The following PAM variants were observed in gnomAD, a reference collection of about 807,000 sequenced individuals.
PAM encodes peptidyl-glycine alpha-amidating monooxygenase.
PAM carries 72 observed loss-of-function variants against 122.1 expected under a neutral mutation model. The observed-to-expected ratio is 0.59, with a 90% CI of 0.49 to 0.72. PAM has a LOEUF of 0.72. Ranked by LOEUF, PAM falls within the 30% of genes least tolerant of loss-of-function variation. PAM has a pLI of 0.00. For missense variants in PAM, 1,106 were observed against 1,183.7 expected, an observed-to-expected ratio of 0.93 and a Z score of 0.96; for synonymous variants, 389 against 404.4, an observed-to-expected ratio of 0.96 and a Z score of 0.46.
In PAM at chr5:102,760,378, T is replaced by C. The variant is rs78853249; in HGVS notation, c.-374+5030T>C. 6.9e-3 allele frequency among the ~76,000 whole-genome samples: 1,049 copies of C among 152,302 alleles called. 9 individuals are homozygous for C. Among genetic ancestry groups the C allele is most frequent in the Non-Finnish European group, 0.013 (881 of 68,018 alleles). On this transcript the variant is annotated intron_variant, in intron 1 of 25. Coordinates refer to ENST00000438793, the MANE Select transcript of PAM (RefSeq NM_001177306.2). ...TCTCACCCTAGAATTTTCTGTCTTC[T>C]TCCAGCATCCCCATGAAACTGTGGC...
intron 25 of PAM, 108 bp downstream of exon 25, chr5:103,028,346 ACCT>A: frequency 1.3e-6 from 1 of 781,136 alleles, no homozygotes; most frequent in Non-Finnish European, 2.2e-6. Flanking sequence ...AAGATAAAGC[ACCT>A]TGTATGCAGC....
intron 3 of PAM, chr5:102,873,760 C>A (rs1226506663): frequency 6.6e-6 from 1 of 152,184 alleles, no homozygotes. Context: ...AAAGTCGCTC[C>A]AGTGGCCAGC....
Position 102,974,493 on chromosome 5 carries a change from CA to C in PAM, c.1483+61del, listed in dbSNP as rs370933832. 10 of 1,130,554 alleles carry C rather than the reference CA, an allele frequency of 8.8e-6. No homozygotes were observed. The African/African-American group carries it at 1.4e-4, about 16-fold the overall frequency. 70.0% of individuals were successfully genotyped at this position (1,130,554 alleles called of 1,614,324 possible). A position where few individuals can be genotyped will look rare whatever the true frequency, so the allele number is the denominator to read the frequency against. On this transcript the variant is annotated intron_variant, in intron 15 of 25. Coordinates refer to ENST00000438793, the MANE Select transcript of PAM (RefSeq NM_001177306.2). Reference sequence around the variant, plus strand: ...TGTGAAATGCTACAATCCACGTTAGCAAAACCTGAAGGGAATAAGAATTAAT... The same window carrying C: ...TGTGAAATGCTACAATCCACGTTAGCAAACCTGAAGGGAATAAGAATTAAT...
At chr5:102,764,016 T>C (rs1427555762) in intron 1 of PAM, among the ~76,000 whole-genome samples, 2 of 152,116 alleles carry the variant, frequency 1.3e-5, no homozygotes, top group African/African-American at 4.8e-5. Flanking sequence ...TGTGTACCAG[T>C]CTGGTGGTGG....
intron 1 of PAM, among the ~76,000 whole-genome samples, chr5:102,842,570 A>T (rs1778922219): frequency 6.6e-6 from 1 of 152,182 alleles, no homozygotes; most frequent in South Asian, 2.1e-4. Flanking sequence ...TTTCTTTTGT[A>T]AATTGCCCAG....
chr5:102,969,115 C>T (rs1325160910), intron 14 of PAM, among the ~76,000 whole-genome samples: 1 of 151,966 alleles, frequency 6.6e-6, no homozygotes, highest in Non-Finnish European at 1.5e-5. Flanking sequence ...GGAGGGATAG[C>T]ATTAGGAGGA....
rs372036993 is a variant in PAM at position 103,025,346 on chromosome 5, G to T, written c.2689+12G>T. ...AAGGGCCTTTGGAGGCAAGTAAAAT[G>T]AGCCCCGTGAACTTGGAACCTGCCT... On this transcript the variant is annotated intron_variant, in intron 24 of 25. Coordinates refer to ENST00000438793, the MANE Select transcript of PAM (RefSeq NM_001177306.2). 4.7e-5 allele frequency: 75 copies of T among 1,607,560 alleles called. No individual in the cohort carries two copies. Among genetic ancestry groups the T allele is most frequent in the South Asian group, 5.5e-5 (5 of 90,920 alleles).
At chr5:102,772,542 T>C (rs1398872345) in intron 1 of PAM, among the ~76,000 whole-genome samples, 1 of 152,116 alleles carries the variant, frequency 6.6e-6, no homozygotes, top group African/African-American at 2.4e-5. Flanking sequence ...TGCACATGGT[T>C]CTCAAATAAG....
chr5:102,909,055 A>G (rs1003821423), intron 4 of PAM, among the ~76,000 whole-genome samples: 3 of 151,786 alleles, frequency 2.0e-5, no homozygotes, highest in Non-Finnish European at 4.4e-5. Flanking sequence ...GGAAATAAAG[A>G]AATGTTGATA....
intron 22 of PAM, among the ~76,000 whole-genome samples, chr5:103,019,510 C>T (rs951460352): frequency 6.6e-6 from 1 of 152,068 alleles, no homozygotes; most frequent in Non-Finnish European, 1.5e-5. Context: ...GGCAGATCTG[C>T]TTGGTCTTTC....
intron 1 of PAM, among the ~76,000 whole-genome samples, chr5:102,792,899 G>A (rs1457586029): frequency 6.6e-6 from 1 of 152,140 alleles, no homozygotes; most frequent in African/African-American, 2.4e-5. Context: ...AAAAGTATTA[G>A]GTCATACAGT....
At chr5:102,876,101 C>G (rs77580105) in intron 3 of PAM, among the ~76,000 whole-genome samples, 1 of 152,042 alleles carries the variant, frequency 6.6e-6, no homozygotes, top group East Asian at 1.9e-4. Flanking sequence ...TGGCAATTCC[C>G]GTGGTATAAT....
intron 1 of PAM, among the ~76,000 whole-genome samples, chr5:102,793,579 T>G (rs6596525): frequency 0.043 from 6,563 of 152,178 alleles, 485 homozygotes; most frequent in African/African-American, 0.15. Flanking sequence ...GTTTGAAATT[T>G]TGGAACTATT....
intron 1 of PAM, among the ~76,000 whole-genome samples, chr5:102,806,469 G>A (rs1766256014): frequency 6.6e-6 from 1 of 152,196 alleles, no homozygotes. Context: ...ACTGCTAGAA[G>A]CAACACTTCT....
chr5:102,861,361 A>G (rs946398685), intron 1 of PAM, among the ~76,000 whole-genome samples: 1 of 152,228 alleles, frequency 6.6e-6, no homozygotes, highest in African/African-American at 2.4e-5. Flanking sequence ...AGAACACACC[A>G]TCATTTCTGT....
At chr5:102,836,898 G>GAGAGAGAGAGAGAGAGAGAT (rs1561584528) in intron 1 of PAM, among the ~76,000 whole-genome samples, 1 of 147,160 alleles carries the variant, frequency 6.8e-6, no homozygotes, top group African/African-American at 2.5e-5. Flanking sequence ...GAGAGAGAGA[G>GAGAGAGAGAGAGAGAGAGAT]GTGCAAAATT....
At chr5:102,767,438 A>G (rs966538758) in intron 1 of PAM, among the ~76,000 whole-genome samples, 1 of 152,102 alleles carries the variant, frequency 6.6e-6, no homozygotes, top group Non-Finnish European at 1.5e-5. Context: ...ATGTTGAGGA[A>G]GGTATCTGAC....
At chr5:102,770,027 A>G (rs1755273138) in intron 1 of PAM, among the ~76,000 whole-genome samples, 1 of 151,980 alleles carries the variant, frequency 6.6e-6, no homozygotes, top group South Asian at 2.1e-4. Flanking sequence ...TGTCCTCTTC[A>G]ATTTCTTTCA....
intron 15 of PAM, among the ~76,000 whole-genome samples, chr5:102,984,035 A>T (rs1770878319): frequency 6.6e-6 from 1 of 152,238 alleles, no homozygotes; most frequent in Non-Finnish European, 1.5e-5. Flanking sequence ...CTCTATAAGC[A>T]AAACAACAAT....
Sources: gnomAD v4.1 joint callset for allele counts (sites outside exome capture counted in the v4.1 genomes callset) on GRCh38, gnomAD v4.1.1 for gene constraint, MANE v1.5 for transcripts, NCBI Gene and HGNC (gene_info 2026-07-23, HGNC 2026-07-21) for gene names.